PHF24: variants seen among roughly 807,000 people sequenced by gnomAD.
The protein encoded by PHF24 is PHD finger protein 24.
PHF24 carries 25 observed loss-of-function variants against 42.6 expected under a neutral mutation model. The observed-to-expected ratio is 0.59, with a 90% CI of 0.43 to 0.82. The LOEUF is 0.82. PHF24 is among the 40% of genes least tolerant of loss of function. The probability of loss-of-function intolerance (pLI) is 0.00; values close to 1 mark genes in which losing one functional copy is unlikely to be tolerated. For synonymous variants in PHF24, 185 were observed against 204.8 expected (o/e 0.90, Z 0.83); for missense variants, 470 against 538.1 (o/e 0.87, Z 1.25).
chr9:34,930,785 T>C, the PHF24 span, among the ~76,000 whole-genome samples: 1 of 152,178 alleles, frequency 6.6e-6, no homozygotes, highest in Non-Finnish European at 1.5e-5. Flanking sequence ...AATTCTAATG[T>C]TAAAAAGCTA....
the PHF24 span, chr9:34,666,010 C>G: frequency 2.7e-6 from 1 of 369,000 alleles, no homozygotes; most frequent in African/African-American, 2.1e-5. Context: ...TCAGCGCAGC[C>G]TAAACTCCCG....
intron 1 of PHF24, among the ~76,000 whole-genome samples, chr9:34,967,456 A>G (rs1826817235): frequency 6.6e-6 from 1 of 152,224 alleles, no homozygotes; most frequent in African/African-American, 2.4e-5. Context: ...CAAAAAATAT[A>G]TTTCTTACTC....
the PHF24 span, among the ~76,000 whole-genome samples, chr9:34,912,158 C>T: frequency 1.3e-5 from 2 of 152,262 alleles, no homozygotes; most frequent in East Asian, 3.9e-4. Context: ...GGTACAGAAA[C>T]CCAGAACCCT....
At chr9:34,780,665 T>C in the PHF24 span, among the ~76,000 whole-genome samples, 1 of 152,142 alleles carries the variant, frequency 6.6e-6, no homozygotes, top group African/African-American at 2.4e-5. Flanking sequence ...AAAATAACAT[T>C]TTGTGCATCA....
At chr9:34,832,176 A>G in the PHF24 span, 1 of 338,392 alleles carries the variant, frequency 3.0e-6, no homozygotes, top group Non-Finnish European at 5.3e-6. Context: ...ATTTATGGAA[A>G]TGAAAATACT....
chr9:34,808,458 TC>T, the PHF24 span, among the ~76,000 whole-genome samples: 3 of 151,858 alleles, frequency 2.0e-5, no homozygotes, highest in Non-Finnish European at 4.4e-5. Context: ...GGAGACTCTA[TC>T]CCCCCGCCAA....
At chr9:34,826,152 C>T in the PHF24 span, among the ~76,000 whole-genome samples, 6 of 152,158 alleles carry the variant, frequency 3.9e-5, no homozygotes, top group African/African-American at 1.4e-4. Flanking sequence ...TCTCCCTCCC[C>T]ATGCTCTCCC....
At chr9:34,841,882 T>C in the PHF24 span, among the ~76,000 whole-genome samples, 1 of 152,324 alleles carries the variant, frequency 6.6e-6, no homozygotes. Flanking sequence ...GAGTGAACAA[T>C]TTGATAAATT....
At chr9:34,689,517 T>C in the PHF24 span, 1 of 353,414 alleles carries the variant, frequency 2.8e-6, no homozygotes, top group Non-Finnish European at 5.1e-6. This position sits in a 1 kb window ranked among gnomAD's most constrained non-coding sequence, Gnocchi z 4.1. Flanking sequence ...TAAGGCTAGT[T>C]AAGCAGTAGG....
At chr9:34,949,847 C>T in the PHF24 span, among the ~76,000 whole-genome samples, 10 of 151,450 alleles carry the variant, frequency 6.6e-5, no homozygotes, top group Non-Finnish European at 1.3e-4. Context: ...CAGGGCCTCT[C>T]GGGGGTAGGG....
At chr9:34,753,848 C>T in the PHF24 span, among the ~76,000 whole-genome samples, 1 of 152,094 alleles carries the variant, frequency 6.6e-6, no homozygotes, top group East Asian at 1.9e-4. Flanking sequence ...CTACAGCGAA[C>T]TCATTTTTGA....
the PHF24 span, among the ~76,000 whole-genome samples, chr9:34,754,195 A>ATT: frequency 1.3e-5 from 2 of 152,194 alleles, no homozygotes; most frequent in African/African-American, 4.8e-5. Context: ...CGCAAAGGAA[A>ATT]CAATCAACAA....
At chr9:34,807,777 G>C in the PHF24 span, among the ~76,000 whole-genome samples, 5 of 152,190 alleles carry the variant, frequency 3.3e-5, no homozygotes, top group Non-Finnish European at 7.4e-5. Context: ...TGTTATGTGG[G>C]AGATGTGAAA....
chr9:34,942,123 A>G, the PHF24 span, among the ~76,000 whole-genome samples: 11,959 of 152,138 alleles, frequency 0.079, 517 homozygotes, highest in South Asian at 0.11. Flanking sequence ...TTTTCCTACC[A>G]CTGACATTTC....
the PHF24 span, among the ~76,000 whole-genome samples, chr9:34,718,104 G>C: frequency 6.6e-6 from 1 of 152,326 alleles, no homozygotes; most frequent in Non-Finnish European, 1.5e-5. Flanking sequence ...CCCGCCGTCT[G>C]GATTCCCATG....
chr9:34,930,290 A>G, the PHF24 span, among the ~76,000 whole-genome samples: 1 of 152,092 alleles, frequency 6.6e-6, no homozygotes, highest in Non-Finnish European at 1.5e-5. Context: ...GGTAAAAGAG[A>G]AGGAACGTGA....
At chr9:34,878,445 G>A in the PHF24 span, among the ~76,000 whole-genome samples, 7 of 152,164 alleles carry the variant, frequency 4.6e-5, no homozygotes, top group South Asian at 6.2e-4. Context: ...CGCAAGGGGT[G>A]GGGGAATTCC....
At chr9:34,839,786 A>C in the PHF24 span, among the ~76,000 whole-genome samples, 8 of 152,258 alleles carry the variant, frequency 5.3e-5, no homozygotes, top group Non-Finnish European at 1.2e-4. Context: ...ATTTACGTGA[A>C]TCAAGAGCCA....
chr9:34,972,645 G>T (rs1199777932), intron 3 of PHF24, 114 bp downstream of exon 3: 10 of 993,154 alleles, frequency 1.0e-5, no homozygotes, highest in Non-Finnish European at 1.0e-5. Context: ...GCTGGGCGCG[G>T]TGGCTCATGC....
Sources: allele counts gnomAD v4.1 joint callset (sites outside exome capture counted in the v4.1 genomes callset), GRCh38; gene constraint gnomAD v4.1.1; non-coding constraint Gnocchi (gnomAD v3.1); transcripts MANE v1.5; gene names NCBI Gene and HGNC (gene_info 2026-07-23, HGNC 2026-07-21).